CCDC148: variants seen among roughly 807,000 people sequenced by gnomAD.
The protein encoded by CCDC148 is coiled-coil domain-containing protein 148.
Under a neutral mutation model 85.7 loss-of-function variants are expected in CCDC148, and 89 were observed. The ratio of observed to expected loss-of-function variants is 1.04; its 90% CI spans 0.87 to 1.24. CCDC148 has a LOEUF of 1.24. Ranked by LOEUF, CCDC148 falls within the 50% of genes most tolerant of loss-of-function variation. The pLI, the probability that CCDC148 is intolerant of heterozygous loss-of-function variation, is 0.00. For missense variants in CCDC148, 692 were observed against 671.7 expected, an observed-to-expected ratio of 1.03 and a Z score of -0.33; for synonymous variants, 230 against 213.9, an observed-to-expected ratio of 1.08 and a Z score of -0.66.
In CCDC148 at chr2:158,406,858, A is replaced by G. The variant is rs13419032; in HGVS notation, c.26-48288T>C. Among the ~76,000 whole-genome samples, 730 of 152,112 alleles carry G rather than the reference A, an allele frequency of 4.8e-3. 4 individuals carry two copies. The highest frequency in any genetic ancestry group is 0.02 in the Middle Eastern group (6 of 294). Reference sequence around the variant, plus strand: ...CTCTGGTCTTCAACTCCTGAACTCCAGTGAGTCTCCCACCTCTGCCTCTCA... The same window carrying G: ...CTCTGGTCTTCAACTCCTGAACTCCGGTGAGTCTCCCACCTCTGCCTCTCA... On this transcript the variant is annotated intron_variant, in intron 1 of 13. Transcript: ENST00000283233.
At chr2:158,236,241 G>C (rs1688101158) in intron 10 of CCDC148, 1 of 152,170 alleles carries the variant, frequency 6.6e-6, no homozygotes, top group Non-Finnish European at 1.5e-5. Flanking sequence ...TTGGCAGTAA[G>C]CTATTTTCTG....
chr2:158,272,660 G>A (rs1456042785), intron 9 of CCDC148, among the ~76,000 whole-genome samples: 1 of 152,166 alleles, frequency 6.6e-6, no homozygotes, highest in Non-Finnish European at 1.5e-5. Context: ...TTATTGCAGA[G>A]GATGAGGCAG....
At chr2:158,222,831 T>C (rs754421143) in intron 10 of CCDC148, among the ~76,000 whole-genome samples, 14 of 152,132 alleles carry the variant, frequency 9.2e-5, no homozygotes, top group Non-Finnish European at 1.9e-4. Context: ...ATTCAGATAC[T>C]TGGAGTGGAG....
chr2:158,408,165 A>C (rs369610887), intron 1 of CCDC148, among the ~76,000 whole-genome samples: 1 of 152,214 alleles, frequency 6.6e-6, no homozygotes. Flanking sequence ...TGATATATAC[A>C]TACAATGTGT....
At chr2:158,372,954 C>T (rs922454253) in intron 1 of CCDC148, among the ~76,000 whole-genome samples, 1 of 151,972 alleles carries the variant, frequency 6.6e-6, no homozygotes. Flanking sequence ...CCATGTAGGT[C>T]GTAATCCTCA....
chr2:158,277,829 C>G lies in CCDC148; in HGVS notation c.1111-26917G>C, dbSNP rs554637001. ...GCCAGGATGGTCTCAATCTCCTGAC[C>G]TTGTGATCCGCCCACTTCAGCCTCC... On this transcript the variant is annotated intron_variant, in intron 9 of 13. Transcript: ENST00000283233. 7.9e-5 allele frequency among the ~76,000 whole-genome samples: 12 copies of G among 152,270 alleles called. No individual in the cohort carries two copies. In the South Asian group the frequency reaches 2.3e-3, roughly 29 times the overall value.
At chr2:158,397,816 A>G (rs1423349666) in intron 1 of CCDC148, among the ~76,000 whole-genome samples, 3 of 152,154 alleles carry the variant, frequency 2.0e-5, no homozygotes, top group African/African-American at 7.2e-5. Flanking sequence ...GGTGCCCCCA[A>G]TTAAGAGACA....
At chr2:158,174,160 A>C (rs1684456256) in intron 13 of CCDC148, among the ~76,000 whole-genome samples, 1 of 152,096 alleles carries the variant, frequency 6.6e-6, no homozygotes, top group Non-Finnish European at 1.5e-5. Context: ...TATTTTAGGC[A>C]GTGGACATTT....
chr2:158,204,706 C>A (rs912441919), intron 11 of CCDC148, among the ~76,000 whole-genome samples: 1 of 148,990 alleles, frequency 6.7e-6, no homozygotes, highest in Non-Finnish European at 1.5e-5. Context: ...ATCCTCTCCA[C>A]GCCCTGTCAA....
intron 11 of CCDC148, among the ~76,000 whole-genome samples, chr2:158,208,684 T>C (rs1686387697): frequency 6.6e-6 from 1 of 152,170 alleles, no homozygotes; most frequent in South Asian, 2.1e-4. Flanking sequence ...GGGAGTTGGG[T>C]TCCAATCCTG....
chr2:158,434,537 T>C (rs1687542633), intron 1 of CCDC148, among the ~76,000 whole-genome samples: 1 of 152,118 alleles, frequency 6.6e-6, no homozygotes. Context: ...GCAGAAAAGC[T>C]GAAAATATTA....
intron 1 of CCDC148, among the ~76,000 whole-genome samples, chr2:158,444,013 C>T (rs1295604554): frequency 6.6e-6 from 1 of 152,184 alleles, no homozygotes; most frequent in East Asian, 1.9e-4. Context: ...CAAAATACGT[C>T]AGGCTATCAC....
At chr2:158,220,445 T>C (rs1687112807) in intron 11 of CCDC148, 150 bp downstream of exon 11, 4 of 597,710 alleles carry the variant, frequency 6.7e-6, no homozygotes, top group South Asian at 4.2e-5. Context: ...AAATGCATCA[T>C]AGATATCATT....
At chr2:158,186,216 T>C (rs1285744708) in intron 11 of CCDC148, among the ~76,000 whole-genome samples, 1 of 152,084 alleles carries the variant, frequency 6.6e-6, no homozygotes, top group Non-Finnish European at 1.5e-5. Context: ...GTCCAATATT[T>C]ACTCAACTCT....
chr2:158,223,839 C>T (rs1311457807), intron 10 of CCDC148, among the ~76,000 whole-genome samples: 1 of 152,036 alleles, frequency 6.6e-6, no homozygotes, highest in African/African-American at 2.4e-5. Flanking sequence ...TCATCAAAGA[C>T]CAAAGGTAGA....
chr2:158,279,497 G>A (rs1242296455), intron 9 of CCDC148, among the ~76,000 whole-genome samples: 9 of 152,210 alleles, frequency 5.9e-5, no homozygotes, highest in Non-Finnish European at 1.2e-4. Flanking sequence ...CTCAGGAGCC[G>A]ATGTGATCAA....
chr2:158,356,852 C>T (rs1683669976), intron 2 of CCDC148, among the ~76,000 whole-genome samples: 1 of 125,858 alleles, frequency 7.9e-6, no homozygotes, highest in Non-Finnish European at 1.6e-5. Context: ...CAATGATAGA[C>T]TGGATTAAGA....
At chr2:158,218,195 T>C (rs987666657) in intron 11 of CCDC148, among the ~76,000 whole-genome samples, 2 of 152,188 alleles carry the variant, frequency 1.3e-5, no homozygotes, top group African/African-American at 4.8e-5. Flanking sequence ...CATTTTAACA[T>C]ACGAGTTGAA....
intron 1 of CCDC148, among the ~76,000 whole-genome samples, chr2:158,455,429 T>C (rs1377894833): frequency 6.6e-6 from 1 of 152,276 alleles, no homozygotes; most frequent in African/African-American, 2.4e-5. Flanking sequence ...TTAACATTTC[T>C]TAGGTTACAT....
Sources: allele counts gnomAD v4.1 joint callset (sites outside exome capture counted in the v4.1 genomes callset), GRCh38; gene constraint gnomAD v4.1.1; transcripts MANE v1.5; gene names NCBI Gene and HGNC (gene_info 2026-07-23, HGNC 2026-07-21).